The following TSBP1 variants were observed in gnomAD, a reference collection of about 807,000 sequenced individuals.
TSBP1 encodes the protein testis-expressed basic protein 1.
TSBP1 carries 56 observed loss-of-function variants against 68.8 expected under a neutral mutation model. The observed-to-expected ratio is 0.81, with a 90% CI of 0.66 to 1.02. TSBP1 has a LOEUF of 1.02. Ranked by LOEUF, TSBP1 falls within the 50% of genes least tolerant of loss-of-function variation. The probability of loss-of-function intolerance (pLI) is 0.00; values close to 1 mark genes in which losing one functional copy is unlikely to be tolerated. For missense variants in TSBP1, 502 were observed against 641.2 expected (o/e 0.78, Z 2.34); for synonymous variants, 171 against 208.7 (o/e 0.82, Z 1.56).
chr6:32,325,593 A>C lies in TSBP1; in HGVS notation c.515-1979T>G. ...AGAAATCACCTAAGAAATTATTTTG[A>C]GTAGTATGGAAAAATTGAAGTGATT... On this transcript the variant is annotated intron_variant, in intron 16 of 22. Coordinates refer to ENST00000612031, the Ensembl canonical transcript of TSBP1. The surrounding 1 kb of genome is among the most constrained non-coding windows in gnomAD (Gnocchi z 4.4). The C allele has an allele frequency of 2.2e-6, 2 of 910,338 alleles. No homozygotes were observed. The highest frequency in any genetic ancestry group is 3.6e-6 in the Non-Finnish European group (2 of 554,100). The allele number at this position is 910,338 out of a possible 1,614,324, so 56.4% of individuals were successfully genotyped here. A position where few individuals can be genotyped will look rare whatever the true frequency, so the allele number is the denominator to read the frequency against.
Position 32,335,737 on chromosome 6 carries a change from G to C in TSBP1, c.451+175C>G, listed in dbSNP as rs1189362598. 6.6e-6 allele frequency among the ~76,000 whole-genome samples: 1 copy of C among 152,146 alleles called. No homozygotes were observed. The highest frequency in any genetic ancestry group is 1.5e-5 in the Non-Finnish European group (1 of 68,036). On this transcript the variant is annotated intron_variant, in intron 13 of 22. Transcript: ENST00000612031. This position sits in a 1 kb window ranked among gnomAD's most constrained non-coding sequence, Gnocchi z 5.5. ...TGTAGTTTGTTTTTATTGGTGAGGT[G>C]TACATTCACACAGCTAATCATGACT...
chr6:32,326,803 T>C (rs926916726), intron 16 of TSBP1, among the ~76,000 whole-genome samples: 2 of 152,218 alleles, frequency 1.3e-5, no homozygotes, highest in African/African-American at 4.8e-5. Context: ...CATAGAGCGC[T>C]GTGCTGGGGA....
At position 32,335,841 on chromosome 6, in the gene TSBP1, C is replaced by T. The variant is rs1583086898; in HGVS notation, c.451+71G>A. ...AACCCTTGAAATCCCAACATGGAAA[C>T]CAGGTAGCGATCCCTAAGATACTGC... On this transcript the variant is annotated intron_variant, in intron 13 of 22. Transcript: ENST00000612031. The surrounding 1 kb of genome is among the most constrained non-coding windows in gnomAD (Gnocchi z 5.5). 6 of 1,227,746 alleles carry T rather than the reference C, an allele frequency of 4.9e-6. No individual in the cohort carries two copies. In the East Asian group the frequency reaches 1.4e-4, roughly 29 times the overall value. 76.1% of individuals were successfully genotyped at this position (1,227,746 alleles called of 1,614,324 possible).
chr6:32,345,936 C>A (rs1213629413), intron 9 of TSBP1, among the ~76,000 whole-genome samples: 1 of 152,090 alleles, frequency 6.6e-6, no homozygotes, highest in African/African-American at 2.4e-5. Context: ...CATCTTTCAG[C>A]TAAATACTCT....
At chr6:32,367,998 AT>A in intron 3 of TSBP1, 41 bp from the exon 4 acceptor site, 1 of 1,473,874 alleles carries the variant, frequency 6.8e-7, no homozygotes, top group Non-Finnish European at 9.1e-7. Flanking sequence ...CTTCTTGATT[AT>A]TAAATGAGGC....
intron 19 of TSBP1, among the ~76,000 whole-genome samples, chr6:32,307,320 G>A (rs552881211): frequency 6.6e-6 from 1 of 152,118 alleles, no homozygotes; most frequent in South Asian, 2.1e-4. Flanking sequence ...TTTGTAACCT[G>A]TGGATTATTT....
rs187666528 is a variant in TSBP1 at position 32,352,938 on chromosome 6, C to T, written c.259+2186G>A. 1.3e-4 allele frequency: 20 copies of T among 151,456 alleles called. No individual in the cohort carries two copies. In the East Asian group the frequency reaches 3.7e-3, roughly 28 times the overall value. The allele number at this position is 151,456 out of a possible 1,614,324, so 9.4% of individuals were successfully genotyped here. A position where few individuals can be genotyped will look rare whatever the true frequency, so the allele number is the denominator to read the frequency against. On this transcript the variant is annotated intron_variant, in intron 8 of 22. Transcript: ENST00000612031. ...TGATACAGAGAAGATTAGCGTGGCC[C>T]GTGTGTAAGGATGGCATGAAAATTC...
chr6:32,323,351 A>G, intron 17 of TSBP1: 2 of 689,010 alleles, frequency 2.9e-6, no homozygotes, highest in Admixed American at 2.2e-5. Flanking sequence ...GAGGTAATGT[A>G]ATTAAAGCAC....
rs1257476998 is a variant in TSBP1 at position 32,325,403 on chromosome 6, T to C, written c.515-1789A>G. The C allele has an allele frequency of 4.2e-6, 4 of 942,278 alleles. No individual in the cohort carries two copies. Among genetic ancestry groups the C allele is most frequent in the Non-Finnish European group, 6.9e-6 (4 of 583,468 alleles). 58.4% of individuals were successfully genotyped at this position (942,278 alleles called of 1,614,324 possible). ...CCAGGGGCTTTGGATTTTTCACATA[T>C]GCCACTGTGGAGGAGGTGGATGCAG... On this transcript the variant is annotated intron_variant, in intron 16 of 22. Transcript: ENST00000612031. This position sits in a 1 kb window ranked among gnomAD's most constrained non-coding sequence, Gnocchi z 4.4.
chr6:32,320,820 G>C (rs1416989390), intron 18 of TSBP1, among the ~76,000 whole-genome samples: 1 of 151,972 alleles, frequency 6.6e-6, no homozygotes, highest in Non-Finnish European at 1.5e-5. Context: ...TATTTTTCCT[G>C]ATCCTCTCCC....
chr6:32,360,388 GTGTGTGTGTGTGTA>G (rs1772862459), intron 6 of TSBP1, among the ~76,000 whole-genome samples: 9 of 151,730 alleles, frequency 5.9e-5, no homozygotes, highest in Non-Finnish European at 1.5e-5. Flanking sequence ...TTCATTGTGT[GTGTGTGTGTGTGTA>G]TGTGTGTGTG....
rs150452734 is a variant in TSBP1 at position 32,321,455 on chromosome 6, C to T, written c.559+1662G>A. ...CTAGCTGTGAGACCAGTAATCCCTTCTCCTGACCTCAGGTGGGCATTGGTC... is the reference window on the plus strand; with the variant it reads ...CTAGCTGTGAGACCAGTAATCCCTTTTCCTGACCTCAGGTGGGCATTGGTC... On this transcript the variant is annotated intron_variant, in intron 18 of 22. Transcript: ENST00000612031. This position sits in a 1 kb window ranked among gnomAD's most constrained non-coding sequence, Gnocchi z 4.3. 6.6e-6 allele frequency among the ~76,000 whole-genome samples: 1 copy of T among 152,318 alleles called. No individual in the cohort carries two copies. The highest frequency in any genetic ancestry group is 2.4e-5 in the African/African-American group (1 of 41,556).
intron 19 of TSBP1, among the ~76,000 whole-genome samples, chr6:32,309,813 C>T (rs941624678): frequency 2.0e-5 from 3 of 152,114 alleles, no homozygotes; most frequent in Non-Finnish European, 2.9e-5. Flanking sequence ...ACTATAGTCA[C>T]CCTGTTGTGC....
intron 16 of TSBP1, among the ~76,000 whole-genome samples, chr6:32,326,572 G>T (rs114215168): frequency 0.021 from 3,154 of 152,296 alleles, 50 homozygotes; most frequent in Middle Eastern, 0.048. Flanking sequence ...TCACAATGTG[G>T]ATGCATACAT....
Position 32,315,838 on chromosome 6 carries a change from A to G in TSBP1, c.560-46T>C. ...AATCCATTTAATTTTTCTCAAATGG[A>G]GAAAACATAGCATTATCTAACATAT... On this transcript the variant is annotated intron_variant, in intron 18 of 22. Coordinates refer to ENST00000612031, the Ensembl canonical transcript of TSBP1. The surrounding 1 kb of genome is among the most constrained non-coding windows in gnomAD (Gnocchi z 5.4). 1.6e-6 allele frequency: 2 copies of G among 1,235,462 alleles called. No individual in the cohort carries two copies. Among genetic ancestry groups the G allele is most frequent in the Non-Finnish European group, 2.3e-6 (2 of 880,618 alleles). 76.5% of individuals were successfully genotyped at this position (1,235,462 alleles called of 1,614,324 possible).
intron 19 of TSBP1, among the ~76,000 whole-genome samples, chr6:32,311,014 T>G (rs1583004980): frequency 6.6e-6 from 1 of 152,230 alleles, no homozygotes; most frequent in African/African-American, 2.4e-5. Flanking sequence ...CTCCAAAAAT[T>G]CATTGCTTAG....
chr6:32,350,286 G>A (rs753461575), intron 8 of TSBP1: 53 of 412,256 alleles, frequency 1.3e-4, no homozygotes, highest in East Asian at 4.2e-4. Context: ...ACCAAATCAG[G>A]AAGTTCTTGA....
intron 18 of TSBP1, 131 bp downstream of exon 20, chr6:32,322,355 C>A (rs1767726844): frequency 3.0e-6 from 2 of 672,640 alleles, no homozygotes; most frequent in South Asian, 4.3e-5. Flanking sequence ...GGTTGACTTG[C>A]AGTCCTAATC....
chr6:32,342,991 A>G (rs1000727496), intron 9 of TSBP1, among the ~76,000 whole-genome samples: 4 of 152,220 alleles, frequency 2.6e-5, no homozygotes, highest in Admixed American at 6.5e-5. Context: ...ATGTGGTCAA[A>G]GGCAAGAATA....
Sources: allele counts gnomAD v4.1 joint callset (sites outside exome capture counted in the v4.1 genomes callset), GRCh38; gene constraint gnomAD v4.1.1; non-coding constraint Gnocchi (gnomAD v3.1); transcripts MANE v1.5; gene names NCBI Gene and HGNC (gene_info 2026-07-23, HGNC 2026-07-21).